The following CAST variants were observed in gnomAD, a reference collection of about 807,000 sequenced individuals.
The protein encoded by CAST is calpastatin.
CAST carries 76 observed loss-of-function variants against 119.6 expected under a neutral mutation model. The ratio of observed to expected loss-of-function variants is 0.64; its 90% CI spans 0.53 to 0.77. The LOEUF (loss-of-function observed/expected upper bound fraction) is 0.77, where lower values mean the gene tolerates loss of function less well. Among genes scored for constraint, CAST ranks in the 30% least tolerant of loss-of-function variants. The probability of loss-of-function intolerance (pLI) is 0.00; values close to 1 mark genes in which losing one functional copy is unlikely to be tolerated. For missense variants in CAST, 953 were observed against 946.5 expected (o/e 1.01, Z -0.09); for synonymous variants, 319 against 331.6 (o/e 0.96, Z 0.41).
the CAST span, among the ~76,000 whole-genome samples, chr5:96,510,451 G>A: frequency 1.3e-5 from 2 of 152,110 alleles, no homozygotes; most frequent in Non-Finnish European, 2.9e-5. Context: ...GAATATCTAC[G>A]CTGAAGCTCT....
At chr5:96,695,688 A>G in intron 2 of CAST, 148 bp from the exon 3 acceptor site, 1 of 486,564 alleles carries the variant, frequency 2.1e-6, no homozygotes, top group South Asian at 2.8e-5. Flanking sequence ...AGTAACGAAA[A>G]ATTCAAAGCA....
the CAST span, chr5:96,390,512 G>C: frequency 6.6e-6 from 1 of 152,536 alleles, no homozygotes; most frequent in Non-Finnish European, 1.5e-5. Flanking sequence ...TAGGCTATTA[G>C]ACAAATGTCA....
chr5:96,306,887 G>C, the CAST span, among the ~76,000 whole-genome samples: 99 of 152,272 alleles, frequency 6.5e-4, no homozygotes, highest in Non-Finnish European at 1.1e-3. Context: ...GTCAATTTTA[G>C]AATCAGTGCA....
the CAST span, among the ~76,000 whole-genome samples, chr5:96,194,558 A>G: frequency 6.6e-6 from 1 of 152,222 alleles, no homozygotes; most frequent in Non-Finnish European, 1.5e-5. Context: ...AAGAAATAGA[A>G]GTTCATCAAC....
chr5:96,420,359 T>C, the CAST span, among the ~76,000 whole-genome samples: 1 of 152,302 alleles, frequency 6.6e-6, no homozygotes, highest in African/African-American at 2.4e-5. Context: ...TTCAGACATA[T>C]AGCAAAAAGT....
At chr5:96,107,670 T>G in the CAST span, among the ~76,000 whole-genome samples, 81 of 152,180 alleles carry the variant, frequency 5.3e-4, 1 homozygote. Flanking sequence ...TTTCCTTCAT[T>G]TCAACTTTGG....
chr5:96,393,746 A>G, the CAST span, among the ~76,000 whole-genome samples: 6 of 152,230 alleles, frequency 3.9e-5, no homozygotes, highest in Admixed American at 1.3e-4. Context: ...GGATATCAAA[A>G]TATCTAACAA....
At chr5:96,354,572 T>A in the CAST span, among the ~76,000 whole-genome samples, 6 of 151,956 alleles carry the variant, frequency 3.9e-5, no homozygotes, top group Admixed American at 3.9e-4. Context: ...AATGTATGTC[T>A]CAGGATTGAT....
the CAST span, among the ~76,000 whole-genome samples, chr5:96,068,511 C>G: frequency 1.3e-5 from 2 of 151,690 alleles, no homozygotes; most frequent in Non-Finnish European, 2.9e-5. Context: ...TACTAAACAT[C>G]TGATATGGGA....
chr5:96,007,545 A>T, the CAST span, among the ~76,000 whole-genome samples: 1 of 152,144 alleles, frequency 6.6e-6, no homozygotes, highest in East Asian at 1.9e-4. Flanking sequence ...TTGAGAGGTA[A>T]TTAGGTTTAG....
the CAST span, among the ~76,000 whole-genome samples, chr5:96,412,752 GTTTTTTTT>G: frequency 1.4e-5 from 1 of 71,806 alleles, no homozygotes; most frequent in African/African-American, 9.0e-5. Context: ...CAGCTGTGAT[GTTTTTTTT>G]TTTTTTTTTT....
chr5:96,544,418 A>C (rs940402487), intron 1 of CAST, among the ~76,000 whole-genome samples: 1 of 152,162 alleles, frequency 6.6e-6, no homozygotes, highest in Non-Finnish European at 1.5e-5. Context: ...ACATTGTTAT[A>C]ATCACTTTTT....
chr5:96,733,231 C>A (rs1760936019), intron 9 of CAST, among the ~76,000 whole-genome samples: 1 of 152,106 alleles, frequency 6.6e-6, no homozygotes, highest in Non-Finnish European at 1.5e-5. Flanking sequence ...TAGCCTCACT[C>A]CAGGAAGACA....
chr5:96,115,520 C>A, the CAST span, among the ~76,000 whole-genome samples: 1 of 152,182 alleles, frequency 6.6e-6, no homozygotes, highest in African/African-American at 2.4e-5. Context: ...AGATAAGTAA[C>A]TTGTCCAAGG....
chr5:96,347,625 C>A, the CAST span, among the ~76,000 whole-genome samples: 1 of 152,106 alleles, frequency 6.6e-6, no homozygotes, highest in Non-Finnish European at 1.5e-5. Flanking sequence ...GAATCTCTTC[C>A]TTAGAACTCT....
In CAST at chr5:96,726,998, C is replaced by T. The variant is rs1378102423; in HGVS notation, c.336+139C>T. On this transcript the variant is annotated intron_variant, in intron 5 of 31. Transcript: ENST00000675179. ...TGGACTTTCTGTAGGCTTAGCTGCC[C>T]ATCAGCCACATTCTGGCACTAAAAG... is the stretch of plus-strand genomic sequence containing the variant. 7 of 626,004 alleles carry T rather than the reference C, an allele frequency of 1.1e-5. No individual in the cohort carries two copies. In the East Asian group the frequency reaches 1.6e-4, roughly 15 times the overall value. 38.8% of individuals were successfully genotyped at this position (626,004 alleles called of 1,614,324 possible).
rs112150547 is a variant in CAST at position 96,591,500 on chromosome 5, A to G, written c.60+61620A>G. On this transcript the variant is annotated intron_variant, in intron 1 of 11. Transcript: ENST00000505143. The stretch of plus-strand genomic sequence containing the variant: ...TAACAGTCATGGGGTCTTTTTTGTC[A>G]TCTGGTCTGAGTTAGGTACAGGACA... Among the ~76,000 whole-genome samples the G allele has an allele frequency of 2.5e-4, 38 of 152,320 alleles. 1 individual carries two copies. The highest frequency in any genetic ancestry group is 1.2e-3 in the Admixed American group (18 of 15,302).
chr5:96,469,865 G>GTATA, the CAST span, among the ~76,000 whole-genome samples: 64 of 129,306 alleles, frequency 4.9e-4, no homozygotes, highest in Non-Finnish European at 7.3e-4. Flanking sequence ...ATATGTGTGT[G>GTATA]TATATATATA....
At chr5:96,377,189 A>T in the CAST span, among the ~76,000 whole-genome samples, 10 of 152,030 alleles carry the variant, frequency 6.6e-5, no homozygotes, top group East Asian at 1.9e-4. Flanking sequence ...TTAATTTTTT[A>T]AAAAATTAAA....
Sources: gnomAD v4.1 joint callset for allele counts (sites outside exome capture counted in the v4.1 genomes callset) on GRCh38, gnomAD v4.1.1 for gene constraint, MANE v1.5 for transcripts, NCBI Gene and HGNC (gene_info 2026-07-23, HGNC 2026-07-21) for gene names.